FHIT: variants seen among roughly 807,000 people sequenced by gnomAD.
FHIT encodes the protein fragile histidine triad diadenosine triphosphatase, also known as bis(5'-adenosyl)-triphosphatase.
Under a neutral mutation model 17.9 loss-of-function variants are expected in FHIT, and 19 were observed. The observed-to-expected ratio is 1.06, with a 90% CI of 0.74 to 1.56. The LOEUF is 1.56. Ranked by LOEUF, FHIT falls within the 40% of genes most tolerant of loss-of-function variation. The pLI is 0.00. For synonymous variants in FHIT, 81 were observed against 69.7 expected, an observed-to-expected ratio of 1.16 and a Z score of -0.81; for missense variants, 248 against 189.2, an observed-to-expected ratio of 1.31 and a Z score of -1.82.
intron 7 of FHIT, among the ~76,000 whole-genome samples, chr3:60,003,079 C>T (rs1699788908): frequency 6.6e-6 from 1 of 152,036 alleles, no homozygotes; most frequent in South Asian, 2.1e-4. Flanking sequence ...TCAAATGGGG[C>T]CCTTGGTTTT....
chr3:61,047,601 T>C (rs1575910714), intron 2 of FHIT, among the ~76,000 whole-genome samples: 1 of 152,214 alleles, frequency 6.6e-6, no homozygotes, highest in Non-Finnish European at 1.5e-5. Flanking sequence ...AAGCTACCAA[T>C]GACTTTCTTC....
intron 8 of FHIT, among the ~76,000 whole-genome samples, chr3:59,896,436 C>A (rs1349101673): frequency 6.6e-6 from 1 of 152,156 alleles, no homozygotes; most frequent in Non-Finnish European, 1.5e-5. Context: ...TAACTGCGAT[C>A]AATTCAACAT....
At chr3:61,198,550 A>T (rs12492742) in intron 2 of FHIT, among the ~76,000 whole-genome samples, 200 of 151,972 alleles carry the variant, frequency 1.3e-3, no homozygotes, top group African/African-American at 4.5e-3. Flanking sequence ...GGTTCCCTCT[A>T]TACTACCAAG....
At chr3:61,139,847 C>T (rs888558726) in intron 2 of FHIT, among the ~76,000 whole-genome samples, 3 of 152,062 alleles carry the variant, frequency 2.0e-5, no homozygotes, top group African/African-American at 7.2e-5. Flanking sequence ...TAAAATCAGT[C>T]ACCATCACTG....
At chr3:61,221,321 C>CAAAT (rs1160661636) in intron 1 of FHIT, among the ~76,000 whole-genome samples, 1 of 152,204 alleles carries the variant, frequency 6.6e-6, no homozygotes, top group Non-Finnish European at 1.5e-5. Context: ...CCCAATAGCA[C>CAAAT]AGGTCCTCTC....
At chr3:59,965,954 T>A (rs559509978) in intron 7 of FHIT, among the ~76,000 whole-genome samples, 1 of 152,118 alleles carries the variant, frequency 6.6e-6, no homozygotes, top group East Asian at 1.9e-4. Context: ...AGGGAGTATG[T>A]CACCGTCTTA....
At chr3:60,219,665 T>TC (rs1303663918) in intron 5 of FHIT, among the ~76,000 whole-genome samples, 1 of 152,114 alleles carries the variant, frequency 6.6e-6, no homozygotes, top group Non-Finnish European at 1.5e-5. Flanking sequence ...TACTTCCCTG[T>TC]CCCCCTTCAT....
chr3:60,878,294 G>A (rs1413756984), intron 3 of FHIT, among the ~76,000 whole-genome samples: 1 of 152,042 alleles, frequency 6.6e-6, no homozygotes, highest in African/African-American at 2.4e-5. Flanking sequence ...GTGAAACTCT[G>A]ATATTAGCAC....
At chr3:60,195,323 T>G (rs1182056996) in intron 5 of FHIT, among the ~76,000 whole-genome samples, 1 of 151,906 alleles carries the variant, frequency 6.6e-6, no homozygotes, top group Non-Finnish European at 1.5e-5. Flanking sequence ...ATGAAATTAG[T>G]ACAACCTTTA....
intron 5 of FHIT, among the ~76,000 whole-genome samples, chr3:60,398,206 C>G (rs1312469687): frequency 6.6e-6 from 1 of 152,156 alleles, no homozygotes; most frequent in Non-Finnish European, 1.5e-5. Context: ...TACATTAACT[C>G]TCTTTCTCCT....
At chr3:60,145,844 C>T (rs1009023164) in intron 5 of FHIT, among the ~76,000 whole-genome samples, 13 of 152,168 alleles carry the variant, frequency 8.5e-5, no homozygotes, top group African/African-American at 2.4e-4. Flanking sequence ...ACCACTGCTT[C>T]ACAAAACAGA....
At chr3:60,242,100 G>C (rs1487720130) in intron 5 of FHIT, among the ~76,000 whole-genome samples, 1 of 151,888 alleles carries the variant, frequency 6.6e-6, no homozygotes, top group Non-Finnish European at 1.5e-5. Context: ...TTAATATTTG[G>C]TAACAACTAA....
chr3:60,496,813 C>T (rs1364013888), intron 5 of FHIT, among the ~76,000 whole-genome samples: 1 of 152,088 alleles, frequency 6.6e-6, no homozygotes, highest in Non-Finnish European at 1.5e-5. Context: ...AGAATGAGGG[C>T]TTCATTTATT....
chr3:59,997,397 T>A (rs942271173), intron 7 of FHIT, among the ~76,000 whole-genome samples: 1 of 152,008 alleles, frequency 6.6e-6, no homozygotes, highest in African/African-American at 2.4e-5. Flanking sequence ...TGGTTCACAA[T>A]AATAAAAAGA....
chr3:60,517,994 G>T lies in FHIT; in HGVS notation c.103+18866C>A, dbSNP rs182668406. Among the ~76,000 whole-genome samples the T allele has an allele frequency of 2.4e-3, 370 of 152,270 alleles. 1 individual carries two copies. The highest frequency in any genetic ancestry group is 7.7e-3 in the African/African-American group (320 of 41,562). On this transcript the variant is annotated intron_variant, in intron 5 of 9. Transcript: ENST00000492590. ...CAGTGAATTTTTAAAGCATGCCTAT[G>T]AAGTTCCATGAACTTGTTGGTGATA...
chr3:60,273,228 A>C (rs1706955529), intron 5 of FHIT, among the ~76,000 whole-genome samples: 1 of 152,210 alleles, frequency 6.6e-6, no homozygotes, highest in South Asian at 2.1e-4. Flanking sequence ...CATAGGGTAA[A>C]ATAAAAACTT....
chr3:59,917,348 G>A (rs886864693), intron 8 of FHIT, among the ~76,000 whole-genome samples: 4 of 152,182 alleles, frequency 2.6e-5, no homozygotes, highest in Admixed American at 6.5e-5. Context: ...TCACCCATAA[G>A]CATTTGATGA....
intron 5 of FHIT, among the ~76,000 whole-genome samples, chr3:60,047,945 C>T (rs949808618): frequency 1.3e-5 from 2 of 152,132 alleles, no homozygotes; most frequent in African/African-American, 4.8e-5. Flanking sequence ...AGTTGGGTGG[C>T]TTAAACAGCA....
intron 4 of FHIT, among the ~76,000 whole-genome samples, chr3:60,628,369 T>A (rs954861716): frequency 1.1e-4 from 16 of 152,238 alleles, no homozygotes; most frequent in Non-Finnish European, 2.4e-4. Flanking sequence ...TGTGGTATAT[T>A]TGGAAAATGT....
Sources: gnomAD v4.1 joint callset for allele counts (sites outside exome capture counted in the v4.1 genomes callset) on GRCh38, gnomAD v4.1.1 for gene constraint, MANE v1.5 for transcripts, NCBI Gene and HGNC (gene_info 2026-07-23, HGNC 2026-07-21) for gene names.